The following SLC25A24 variants were observed in gnomAD, a reference collection of about 807,000 sequenced individuals.
SLC25A24 encodes the protein mitochondrial adenyl nucleotide antiporter SLC25A24.
A neutral mutation model predicts 60.7 loss-of-function variants in SLC25A24; 49 were observed. The observed-to-expected ratio is 0.81, with a 90% CI of 0.64 to 1.02. The LOEUF is 1.02. SLC25A24 is among the 50% of genes least tolerant of loss of function. The probability of loss-of-function intolerance (pLI) is 0.00; values close to 1 mark genes in which losing one functional copy is unlikely to be tolerated. For synonymous variants in SLC25A24, 202 were observed against 200.6 expected, an observed-to-expected ratio of 1.01 and a Z score of -0.06; for missense variants, 564 against 586.3, an observed-to-expected ratio of 0.96 and a Z score of 0.39.
In SLC25A24 at chr1:108,136,771, C is replaced by A. The variant is rs772402918; in HGVS notation, c.1316G>T (p.Gly439Val). Residue 439 changes from glycine to valine, a missense_variant, in exon 10 of 10, where the codon GGA (glycine) becomes GTA (valine). Transcript: ENST00000565488. ...GLFRRIISKE[G>V]IPGLYRGITP... Reference sequence around the variant, plus strand: ...GATGCCTCTGTAAAGTCCTGGTATTCCTTCTTTGGAAATAATTCGTCGAAA... The same window carrying A: ...GATGCCTCTGTAAAGTCCTGGTATTACTTCTTTGGAAATAATTCGTCGAAA... 1.1e-5 allele frequency: 17 copies of A among 1,613,974 alleles called. No individual in the cohort carries two copies. Among genetic ancestry groups the A allele is most frequent in the Admixed American group, 6.7e-5 (4 of 59,990 alleles).
chr1:108,188,324 C>T (rs1336969095), intron 1 of SLC25A24, among the ~76,000 whole-genome samples: 1 of 152,090 alleles, frequency 6.6e-6, no homozygotes, highest in Non-Finnish European at 1.5e-5. Flanking sequence ...ACCTCAGCAT[C>T]ATGCAATATA....
chr1:108,174,525 T>C (rs1647600712), intron 3 of SLC25A24, among the ~76,000 whole-genome samples: 1 of 152,032 alleles, frequency 6.6e-6, no homozygotes, highest in Non-Finnish European at 1.5e-5. Context: ...AAAAGGGAAA[T>C]GTGGGGTTGG....
chr1:108,136,722 G>C lies in SLC25A24; in HGVS notation c.1365C>G (p.Leu455=), dbSNP rs756247539. The C allele has an allele frequency of 7.4e-6, 12 of 1,613,970 alleles. No homozygotes were observed. In the East Asian group the frequency reaches 2.2e-4, roughly 30 times the overall value. Residue 455 remains leucine (L), a synonymous_variant, in exon 10 of 10, where the codon CTC becomes CTG. Transcript: ENST00000565488. The part of the protein sequence containing the change: ...RGITPNFMKV[L]PAVGISYVVY... ...CCACATAACTGATGCCTACAGCAGG[G>C]AGCACCTTCATGAAGTTTGGGGTGA... is the stretch of plus-strand genomic sequence containing the variant.
In SLC25A24 at chr1:108,166,716, C is replaced by G. The variant is rs1008166020; in HGVS notation, c.399-5423G>C. Among the ~76,000 whole-genome samples, 32 of 152,062 alleles carry G rather than the reference C, an allele frequency of 2.1e-4. 1 individual carries two copies. The highest frequency in any genetic ancestry group is 7.5e-4 in the African/African-American group (31 of 41,398). On this transcript the variant is annotated intron_variant, in intron 3 of 9. Coordinates refer to ENST00000565488, the MANE Select transcript of SLC25A24 (RefSeq NM_013386.5). ...TCTTCTACATTTTTTTCAAAGTTTT[C>G]AACTTCTTTGCCTTTGGTTTGAATG...
At chr1:108,160,914 T>C (rs540886937) in intron 4 of SLC25A24, among the ~76,000 whole-genome samples, 1 of 152,044 alleles carries the variant, frequency 6.6e-6, no homozygotes, top group African/African-American at 2.4e-5. Flanking sequence ...AGTCCAGCTT[T>C]GGCTCGGCAT....
chr1:108,166,612 A>G, intron 3 of SLC25A24, among the ~76,000 whole-genome samples: 1 of 151,826 alleles, frequency 6.6e-6, no homozygotes, highest in East Asian at 1.9e-4. Context: ...TGCATTCTTC[A>G]TGTAGTTCTC....
At chr1:108,160,755 C>T (rs1008548748) in intron 4 of SLC25A24, among the ~76,000 whole-genome samples, 18 of 152,220 alleles carry the variant, frequency 1.2e-4, no homozygotes, top group African/African-American at 4.1e-4. Context: ...GGAGACCAGC[C>T]CGGCCAACAT....
At chr1:108,170,476 C>G (rs1284918682) in intron 3 of SLC25A24, among the ~76,000 whole-genome samples, 1 of 151,928 alleles carries the variant, frequency 6.6e-6, no homozygotes, top group African/African-American at 2.4e-5. Flanking sequence ...CCCATTAAAT[C>G]AAGCTTATGT....
intron 3 of SLC25A24, among the ~76,000 whole-genome samples, chr1:108,180,505 G>A (rs978554969): frequency 2.0e-4 from 30 of 152,076 alleles, no homozygotes; most frequent in Admixed American, 2.6e-4. Context: ...CTAACCCACC[G>A]TGTGATTATA....
intron 7 of SLC25A24, among the ~76,000 whole-genome samples, chr1:108,147,113 G>A (rs890061011): frequency 6.6e-6 from 1 of 152,106 alleles, no homozygotes; most frequent in Non-Finnish European, 1.5e-5. Context: ...GTCTATACAG[G>A]GATTCAGCTT....
intron 3 of SLC25A24, among the ~76,000 whole-genome samples, chr1:108,170,953 T>C (rs1260429575): frequency 6.6e-6 from 1 of 152,110 alleles, no homozygotes; most frequent in Admixed American, 6.5e-5. Context: ...GGCTGCCCCA[T>C]TTGAGAATGG....
chr1:108,146,222 T>A (rs1679585226), intron 7 of SLC25A24, among the ~76,000 whole-genome samples: 1 of 152,228 alleles, frequency 6.6e-6, no homozygotes, highest in South Asian at 2.1e-4. Context: ...GTTTGTGTAT[T>A]ATTGGTTAAT....
In SLC25A24 at chr1:108,135,050, C is replaced by A. The variant is rs1056719436; in HGVS notation, c.*1603G>T. The A allele has an allele frequency of 6.6e-6, 1 of 152,052 alleles. No homozygotes were observed. The highest frequency in any genetic ancestry group is 2.4e-5 in the African/African-American group (1 of 41,370). The allele number at this position is 152,052 out of a possible 1,614,324, so 9.4% of individuals were successfully genotyped here. A position where few individuals can be genotyped will look rare whatever the true frequency, so the allele number is the denominator to read the frequency against. On this transcript the variant is annotated 3_prime_UTR_variant, in exon 10 of 10. Coordinates refer to ENST00000565488, the MANE Select transcript of SLC25A24 (RefSeq NM_013386.5). ...AAGTTTGAAATTTCAAAGTTGTTAG[C>A]AAAATTATTCATTTCCATAATTTTT...
Position 108,148,269 on chromosome 1 carries a change from T to C in SLC25A24, c.930+10A>G, listed in dbSNP as rs1424947435. On this transcript the variant is annotated intron_variant, in intron 7 of 9. Transcript: ENST00000565488. ...ACCATCACACAGTCAGACTTGACAA[T>C]GGTACTCACCTCCATTGGATATATA... 3 of 1,496,218 alleles carry C rather than the reference T, an allele frequency of 2.0e-6. No homozygotes were observed. The highest frequency in any genetic ancestry group is 2.8e-6 in the Non-Finnish European group (3 of 1,072,446). 92.7% of individuals were successfully genotyped at this position (1,496,218 alleles called of 1,614,324 possible).
intron 4 of SLC25A24, among the ~76,000 whole-genome samples, chr1:108,160,137 G>A (rs1435200419): frequency 4.6e-5 from 7 of 150,856 alleles, no homozygotes; most frequent in Non-Finnish European, 5.9e-5. Context: ...GCTGCCGGGC[G>A]GAGACGCTCC....
At chr1:108,150,201 G>A (rs569470778) in intron 6 of SLC25A24, among the ~76,000 whole-genome samples, 3 of 152,174 alleles carry the variant, frequency 2.0e-5, no homozygotes, top group Non-Finnish European at 2.9e-5. Flanking sequence ...TAAACGTTTA[G>A]TGACTGATGG....
At chr1:108,160,325 C>G (rs1271083994) in intron 4 of SLC25A24, among the ~76,000 whole-genome samples, 2 of 146,788 alleles carry the variant, frequency 1.4e-5, no homozygotes, top group Non-Finnish European at 3.0e-5. Context: ...GGATGGCGGC[C>G]GGGAAGAGGC....
intron 3 of SLC25A24, 55 bp downstream of exon 3, chr1:108,181,886 T>A: frequency 8.0e-7 from 1 of 1,250,550 alleles, no homozygotes; most frequent in South Asian, 1.2e-5. Context: ...AACACAGAGT[T>A]CTAATGCAGA....
At chr1:108,148,026 C>T (rs1571281221) in intron 7 of SLC25A24, among the ~76,000 whole-genome samples, 1 of 152,114 alleles carries the variant, frequency 6.6e-6, no homozygotes, top group African/African-American at 2.4e-5. Context: ...GCCAGTGAGG[C>T]CTGGCAGCAA....
Sources: gnomAD v4.1 joint callset for allele counts (sites outside exome capture counted in the v4.1 genomes callset) on GRCh38, gnomAD v4.1.1 for gene constraint, MANE v1.5 for transcripts, NCBI Gene and HGNC (gene_info 2026-07-23, HGNC 2026-07-21) for gene names.